SMYD3: variants seen among roughly 807,000 people sequenced by gnomAD.
SMYD3 encodes the protein SET and MYND domain containing 3.
In SMYD3, 36 loss-of-function variants were observed where a neutral mutation model predicts 57.7. The ratio of observed to expected loss-of-function variants is 0.62; its 90% CI spans 0.48 to 0.82. SMYD3 has a LOEUF of 0.82. Among genes scored for constraint, SMYD3 ranks in the 40% least tolerant of loss-of-function variants. The probability of loss-of-function intolerance (pLI) is 0.00; values close to 1 mark genes in which losing one functional copy is unlikely to be tolerated. For missense variants in SMYD3, 515 were observed against 538.8 expected, an observed-to-expected ratio of 0.96 and a Z score of 0.44; for synonymous variants, 211 against 195.0, an observed-to-expected ratio of 1.08 and a Z score of -0.68.
At chr1:245,814,417 T>C (rs1164063751) in intron 10 of SMYD3, 1 of 982,386 alleles carries the variant, frequency 1.0e-6, no homozygotes, top group Admixed American at 6.2e-5. Flanking sequence ...CTTCTTCAAC[T>C]GGGGGCAAAA....
At chr1:246,200,154 G>A (rs575187728) in intron 5 of SMYD3, among the ~76,000 whole-genome samples, 2 of 150,502 alleles carry the variant, frequency 1.3e-5, no homozygotes, top group South Asian at 2.1e-4. Flanking sequence ...CAGTGTAGAC[G>A]CTGAGCAAGT....
chr1:246,181,207 C>T (rs552798696), intron 5 of SMYD3, among the ~76,000 whole-genome samples: 17 of 152,256 alleles, frequency 1.1e-4, no homozygotes, highest in Middle Eastern at 3.4e-3. Context: ...ATCAATGTCT[C>T]GCCTAGAGTA....
At chr1:246,296,164 A>C (rs1295588558) in intron 5 of SMYD3, among the ~76,000 whole-genome samples, 13 of 152,212 alleles carry the variant, frequency 8.5e-5, no homozygotes, top group Non-Finnish European at 1.6e-4. Flanking sequence ...CAGACTATGC[A>C]GACAGAGAAA....
chr1:245,951,967 G>T (rs6675574), intron 5 of SMYD3, among the ~76,000 whole-genome samples: 1 of 152,014 alleles, frequency 6.6e-6, no homozygotes, highest in Non-Finnish European at 1.5e-5. Flanking sequence ...AGGGTTTGAT[G>T]ATTACAGCAA....
At chr1:246,039,578 T>C (rs1176651089) in intron 5 of SMYD3, among the ~76,000 whole-genome samples, 1 of 152,234 alleles carries the variant, frequency 6.6e-6, no homozygotes, top group Admixed American at 6.5e-5. Context: ...TGAGATTTCA[T>C]GTCTCCATTT....
chr1:246,106,739 T>C (rs547346360), intron 5 of SMYD3, among the ~76,000 whole-genome samples: 1 of 152,272 alleles, frequency 6.6e-6, no homozygotes, highest in Non-Finnish European at 1.5e-5. Flanking sequence ...TCTTCATCAA[T>C]GTTATCAGCA....
At chr1:246,295,186 A>C (rs1262902992) in intron 5 of SMYD3, among the ~76,000 whole-genome samples, 2 of 152,098 alleles carry the variant, frequency 1.3e-5, no homozygotes, top group Non-Finnish European at 2.9e-5. Flanking sequence ...AATCTCCCCA[A>C]GCCCACTCAC....
chr1:246,268,438 G>A (rs914678328), intron 5 of SMYD3, among the ~76,000 whole-genome samples: 3 of 152,086 alleles, frequency 2.0e-5, no homozygotes, highest in Non-Finnish European at 4.4e-5. Flanking sequence ...AGTGGCTCAC[G>A]CCTGTAAACC....
chr1:246,340,465 A>G (rs1370271286), intron 2 of SMYD3, among the ~76,000 whole-genome samples: 3 of 152,130 alleles, frequency 2.0e-5, no homozygotes, highest in Non-Finnish European at 2.9e-5. Flanking sequence ...AAAAACCAAT[A>G]GACAACTAAT....
intron 5 of SMYD3, among the ~76,000 whole-genome samples, chr1:246,239,012 C>A (rs930385160): frequency 1.3e-5 from 2 of 151,198 alleles, no homozygotes; most frequent in Non-Finnish European, 2.9e-5. Context: ...TGGATAGTCA[C>A]GACACTTGAG....
At chr1:245,766,072 T>C (rs148488420) in intron 10 of SMYD3, among the ~76,000 whole-genome samples, 2 of 152,172 alleles carry the variant, frequency 1.3e-5, no homozygotes, top group Non-Finnish European at 2.9e-5. Flanking sequence ...GGGAGGAAAG[T>C]ATTTAAACCG....
chr1:246,200,559 T>C (rs567552484), intron 5 of SMYD3, among the ~76,000 whole-genome samples: 7 of 122,384 alleles, frequency 5.7e-5, no homozygotes, highest in East Asian at 2.1e-4. Flanking sequence ...ATAGAGAAGA[T>C]AGAGGAGAAC....
At chr1:245,782,229 C>G (rs2046860084) in intron 10 of SMYD3, among the ~76,000 whole-genome samples, 1 of 152,170 alleles carries the variant, frequency 6.6e-6, no homozygotes, top group African/African-American at 2.4e-5. Context: ...TTCCTTTAAT[C>G]TTGTCTCCAG....
At chr1:245,979,287 T>C (rs528906474) in intron 5 of SMYD3, among the ~76,000 whole-genome samples, 15 of 152,304 alleles carry the variant, frequency 9.8e-5, no homozygotes, top group African/African-American at 3.6e-4. Flanking sequence ...CCATCCTGTC[T>C]AAAGGTGTCT....
At chr1:246,363,177 T>G (rs2066030715) in intron 1 of SMYD3, among the ~76,000 whole-genome samples, 1 of 149,626 alleles carries the variant, frequency 6.7e-6, no homozygotes. Flanking sequence ...GAGGAGCCCC[T>G]CCGCCCGGCA....
At chr1:246,371,191 AC>A (rs998025913) in intron 1 of SMYD3, among the ~76,000 whole-genome samples, 2 of 152,194 alleles carry the variant, frequency 1.3e-5, no homozygotes. Flanking sequence ...CATCATACTA[AC>A]AGTATTTAAA....
chr1:246,405,820 G>T (rs1026298507), intron 1 of SMYD3, among the ~76,000 whole-genome samples: 15 of 149,916 alleles, frequency 1.0e-4, no homozygotes, highest in African/African-American at 3.7e-4. Flanking sequence ...TGAGGCAGGA[G>T]AATGGCGTGA....
intron 1 of SMYD3, among the ~76,000 whole-genome samples, chr1:246,432,748 T>C (rs903064085): frequency 1.3e-5 from 2 of 152,270 alleles, no homozygotes; most frequent in Non-Finnish European, 2.9e-5. Context: ...GTGATCTTGC[T>C]GTATACTTCA....
At chr1:245,913,935 T>G (rs533986137) in intron 8 of SMYD3, among the ~76,000 whole-genome samples, 1 of 152,276 alleles carries the variant, frequency 6.6e-6, no homozygotes, top group East Asian at 1.9e-4. Context: ...CCAATGAGAA[T>G]GACTATTATC....
Sources: allele counts gnomAD v4.1 joint callset (sites outside exome capture counted in the v4.1 genomes callset), GRCh38; gene constraint gnomAD v4.1.1; transcripts MANE v1.5; gene names NCBI Gene and HGNC (gene_info 2026-07-23, HGNC 2026-07-21).